The following PTPN12 variants were observed in gnomAD, a reference collection of about 807,000 sequenced individuals.
PTPN12 encodes protein tyrosine phosphatase non-receptor type 12.
Under a neutral mutation model 97.6 loss-of-function variants are expected in PTPN12, and 29 were observed. The observed-to-expected ratio is 0.30, with a 90% CI of 0.22 to 0.41. The LOEUF is 0.41. PTPN12 is among the 10% of genes least tolerant of loss of function. The probability of loss-of-function intolerance (pLI) is 1.00; values close to 1 mark genes in which losing one functional copy is unlikely to be tolerated. For synonymous variants in PTPN12, 327 were observed against 300.4 expected (o/e 1.09, Z -0.91); for missense variants, 819 against 926.0 (o/e 0.88, Z 1.50).
chr7:77,592,201 A>G lies in PTPN12; in HGVS notation c.437A>G (p.Tyr146Cys). ...GGATGACAGAAAAAATGTGAGCGCT[A>G]TTGGCCTTTGTATGGAGAAGACCCC... ...FEMGRKKCER[Y>C]WPLYGEDPIT... The change falls in exon 6 of 18, where the codon TAT becomes TGT. Residue 146 changes from tyrosine to cysteine, a missense_variant. Tyr to Cys is a radical substitution (Grantham distance 194). This residue lies in a region of PTPN12 where 45 missense variants were observed against 52.0 expected (regional missense o/e 0.87). Transcript: ENST00000248594. 1.2e-6 allele frequency: 2 copies of G among 1,605,022 alleles called. No homozygotes were observed. The highest frequency in any genetic ancestry group is 1.7e-6 in the Non-Finnish European group (2 of 1,177,710).
intron 2 of PTPN12, among the ~76,000 whole-genome samples, chr7:77,576,054 C>G (rs955376946): frequency 6.6e-6 from 1 of 152,122 alleles, no homozygotes; most frequent in Non-Finnish European, 1.5e-5. Flanking sequence ...CAGGGTTTCA[C>G]TATGTTGGCC....
intron 12 of PTPN12, among the ~76,000 whole-genome samples, chr7:77,625,921 G>A (rs1343475502): frequency 3.3e-5 from 5 of 151,948 alleles, no homozygotes; most frequent in African/African-American, 1.2e-4. Flanking sequence ...TAACCCACCC[G>A]AACAAAGGAG....
At chr7:77,603,906 T>TTG (rs1205964129) in intron 8 of PTPN12, among the ~76,000 whole-genome samples, 3 of 144,796 alleles carry the variant, frequency 2.1e-5, no homozygotes, top group Non-Finnish European at 4.5e-5. Flanking sequence ...TTTTTTTTTT[T>TTG]GAGACAGAGT....
chr7:77,583,516 A>C, intron 3 of PTPN12, 39 bp from the exon 4 acceptor site: 1 of 1,283,312 alleles, frequency 7.8e-7, no homozygotes, highest in Non-Finnish European at 1.1e-6. Context: ...ATTTTTGGTA[A>C]TCAAAATAAA....
At chr7:77,549,771 G>A (rs537371722) in intron 1 of PTPN12, among the ~76,000 whole-genome samples, 2 of 151,958 alleles carry the variant, frequency 1.3e-5, no homozygotes, top group South Asian at 2.1e-4. Flanking sequence ...TTGTAGAGAC[G>A]AGGTCTTACT....
chr7:77,539,287 C>G (rs755669911), intron 1 of PTPN12, among the ~76,000 whole-genome samples: 1 of 152,176 alleles, frequency 6.6e-6, no homozygotes, highest in Non-Finnish European at 1.5e-5. Flanking sequence ...AAAGTTTTCT[C>G]AGTATCTTTT....
intron 8 of PTPN12, chr7:77,601,026 T>A (rs990369335): frequency 2.7e-5 from 13 of 474,346 alleles, no homozygotes; most frequent in Non-Finnish European, 4.1e-5. Context: ...AAAATAGTAT[T>A]CACATGGTGG....
At chr7:77,543,344 CT>C (rs10545350) in intron 1 of PTPN12, among the ~76,000 whole-genome samples, 52,321 of 137,208 alleles carry the variant, frequency 0.38, 10,897 homozygotes, top group East Asian at 0.72. Context: ...CTTCCACTGC[CT>C]TTTTTTTTTT....
At chr7:77,612,435 T>C (rs759990847) in intron 11 of PTPN12, among the ~76,000 whole-genome samples, 2 of 152,154 alleles carry the variant, frequency 1.3e-5, no homozygotes, top group Non-Finnish European at 2.9e-5. Context: ...TGTGTTTTTG[T>C]TTTGTTTTAT....
intron 14 of PTPN12, among the ~76,000 whole-genome samples, chr7:77,634,359 T>G (rs1789510084): frequency 6.6e-6 from 1 of 152,246 alleles, no homozygotes. Context: ...TGCTCACTTG[T>G]CTAAGTACAT....
In PTPN12 at chr7:77,550,523, A is replaced by G. The variant is rs900458540; in HGVS notation, c.99+12878A>G. On this transcript the variant is annotated intron_variant, in intron 1 of 17. Transcript: ENST00000248594. ...GGGTCCTAGAAATTTAACCATTTCAATGCAGTTTTTTTACATTATTAACTG... is the reference window on the plus strand; with the variant it reads ...GGGTCCTAGAAATTTAACCATTTCAGTGCAGTTTTTTTACATTATTAACTG... 3.3e-5 allele frequency among the ~76,000 whole-genome samples: 5 copies of G among 152,190 alleles called. No homozygotes were observed. The South Asian group carries it at 6.2e-4, about 19-fold the overall frequency.
chr7:77,582,115 G>A lies in PTPN12; in HGVS notation c.285+612G>A, dbSNP rs1297015606. On this transcript the variant is annotated intron_variant, in intron 3 of 17. Transcript: ENST00000248594. Reference sequence around the variant, plus strand: ...TTTTTTTTTTTTTTTTTTTTTTTGAGACGGAGTCTCGCTCTGTCTCCCAGT... The same window carrying A: ...TTTTTTTTTTTTTTTTTTTTTTTGAAACGGAGTCTCGCTCTGTCTCCCAGT... 6.9e-4 allele frequency among the ~76,000 whole-genome samples: 31 copies of A among 44,820 alleles called. 1 individual carries two copies. Among genetic ancestry groups the A allele is most frequent in the African/African-American group, 3.0e-3 (31 of 10,464 alleles). The allele number at this position is 44,820 out of a possible 152,430, so 29.4% of individuals were successfully genotyped here.
chr7:77,548,883 T>C (rs1217855897), intron 1 of PTPN12, among the ~76,000 whole-genome samples: 1 of 152,332 alleles, frequency 6.6e-6, no homozygotes, highest in East Asian at 1.9e-4. Context: ...TTTTCAAGTT[T>C]CCATGTCTCT....
rs764955700 is a variant in PTPN12 at position 77,618,540 on chromosome 7, C to A, written c.1000C>A (p.Pro334Thr). 22 of 1,607,740 alleles carry A rather than the reference C, an allele frequency of 1.4e-5. No homozygotes were observed. Among genetic ancestry groups the A allele is most frequent in the Non-Finnish European group, 1.9e-5 (22 of 1,175,188 alleles). ...SIEPEKQDSP[P>T]PKPPRTRSCL... ...AGAGCCTGAAAAACAAGATTCTCCT[C>A]CTCCAAAACCACCAAGGACCCGCAG... Residue 334 changes from proline (P) to threonine (T), a missense_variant, in exon 12 of 18, where the codon CCT becomes ACT. This residue lies in a region of PTPN12 where 607 missense variants were observed against 577.3 expected (regional missense o/e 1.05). Transcript: ENST00000248594.
intron 1 of PTPN12, chr7:77,538,229 G>GGGC: frequency 2.5e-6 from 1 of 400,662 alleles, no homozygotes; most frequent in Non-Finnish European, 3.4e-6. Flanking sequence ...TGCCCATAAG[G>GGGC]AATCTCATGG....
chr7:77,630,042 A>G (rs559876661), intron 13 of PTPN12, among the ~76,000 whole-genome samples: 37 of 151,824 alleles, frequency 2.4e-4, no homozygotes, highest in Non-Finnish European at 3.4e-4. Context: ...AAAAATCACT[A>G]TACATGTGAT....
chr7:77,545,453 T>G (rs1467577034), intron 1 of PTPN12, among the ~76,000 whole-genome samples: 1 of 152,098 alleles, frequency 6.6e-6, no homozygotes, highest in Non-Finnish European at 1.5e-5. Flanking sequence ...ACCATTACAA[T>G]TATTGGAAAT....
chr7:77,611,641 C>T (rs1168554335), intron 11 of PTPN12, among the ~76,000 whole-genome samples: 8 of 152,158 alleles, frequency 5.3e-5, no homozygotes, highest in Non-Finnish European at 7.3e-5. Context: ...GACGGAGTTT[C>T]GCCATGTTGA....
chr7:77,605,945 C>CTTTTTTTTTTTTTTT (rs10648385), intron 8 of PTPN12, among the ~76,000 whole-genome samples: 1 of 51,896 alleles, frequency 1.9e-5, no homozygotes, highest in Non-Finnish European at 3.3e-5. Flanking sequence ...CAAGAGCCAT[C>CTTTTTTTTTTTTTTT]TTTTTTTTTT....
Sources: gnomAD v4.1 joint callset for allele counts (sites outside exome capture counted in the v4.1 genomes callset) on GRCh38, gnomAD v4.1.1 for gene constraint, gnomAD v4.1.1 regional missense constraint, MANE v1.5 for transcripts, NCBI Gene and HGNC (gene_info 2026-07-23, HGNC 2026-07-21) for gene names.